Variants in COBL observed in about 807,000 individuals in gnomAD.
COBL encodes cordon-bleu WH2 repeat protein.
A neutral mutation model predicts 98.8 loss-of-function variants in COBL; 51 were observed. That is an observed-to-expected ratio of 0.52 (90% CI 0.41 to 0.65). The LOEUF is 0.65. Ranked by LOEUF, COBL falls within the 30% of genes least tolerant of loss-of-function variation. The pLI is 0.00. For synonymous variants in COBL, 634 were observed against 651.7 expected (o/e 0.97, Z 0.41); for missense variants, 1,617 against 1,617.5 (o/e 1.00, Z 0.01).
Position 51,208,104 on chromosome 7 carries a change from C to T in COBL, c.245+11637G>A, listed in dbSNP as rs190982640. Among the ~76,000 whole-genome samples the T allele has an allele frequency of 8.0e-4, 116 of 144,774 alleles. 2 individuals carry two copies. The East Asian group carries it at 0.023, about 29-fold the overall frequency. 95.0% of individuals were successfully genotyped at this position (144,774 alleles called of 152,430 possible). ...GCCGCCCCGTCTGGAATGTGAGGAG[C>T]GCCTCTGCCCGGCCGTGACCCCGTC... On this transcript the variant is annotated intron_variant, in intron 2 of 12. Coordinates refer to ENST00000265136, the MANE Select transcript of COBL (RefSeq NM_015198.5).
intron 1 of COBL, among the ~76,000 whole-genome samples, chr7:51,220,263 T>C (rs952969360): frequency 6.6e-6 from 1 of 152,154 alleles, no homozygotes; most frequent in Admixed American, 6.6e-5. Flanking sequence ...CCTTTCTGAA[T>C]TGTCACAGGG....
chr7:51,315,030 C>G (rs992456446), intron 1 of COBL, among the ~76,000 whole-genome samples: 3 of 152,144 alleles, frequency 2.0e-5, no homozygotes, highest in Admixed American at 6.5e-5. Context: ...TAAATGTTCT[C>G]TCTGTCTTCA....
chr7:51,066,281 T>C (rs1276534543), intron 7 of COBL, among the ~76,000 whole-genome samples: 6 of 152,126 alleles, frequency 3.9e-5, no homozygotes, highest in African/African-American at 1.4e-4. Flanking sequence ...TGGGCTTAGG[T>C]GGGCTTGCAC....
intron 2 of COBL, among the ~76,000 whole-genome samples, chr7:51,216,803 G>A (rs990104019): frequency 2.6e-5 from 4 of 152,088 alleles, no homozygotes; most frequent in African/African-American, 7.2e-5. Flanking sequence ...CAAACTCCTT[G>A]CTTACCCTAT....
chr7:51,181,572 T>A (rs1322590048), intron 5 of COBL, among the ~76,000 whole-genome samples: 1 of 152,238 alleles, frequency 6.6e-6, no homozygotes, highest in Admixed American at 6.5e-5. Context: ...AACCTTCTTG[T>A]AACTACGGCT....
chr7:51,220,065 T>G (rs1029965576), intron 1 of COBL, 121 bp from the exon 2 acceptor site: 4 of 838,236 alleles, frequency 4.8e-6, no homozygotes, highest in Non-Finnish European at 7.3e-6. Context: ...GCCACGGCCT[T>G]TTTAAAATCA....
In COBL at chr7:51,029,459, TCCCCTATGAATGTTACTGGGATTGC is replaced by T; in HGVS notation, c.1612_1636del (p.Ala538LysfsTer79). ...CGAATCCACAGGATCATCTGAAACT[TCCCCTATGAATGTTACTGGGATTGC>T]ATCTGTGTCGCCGTGAGGGATCATG... On this transcript the variant is annotated frameshift_variant, in exon 10 of 13. Transcript: ENST00000265136. LOFTEE classifies it high-confidence loss of function. The T allele has an allele frequency of 2.5e-6, 4 of 1,614,126 alleles. No homozygotes were observed. Among genetic ancestry groups the T allele is most frequent in the Non-Finnish European group, 3.4e-6 (4 of 1,180,024 alleles).
At chr7:51,051,709 A>G (rs776830011) in intron 7 of COBL, among the ~76,000 whole-genome samples, 1 of 152,206 alleles carries the variant, frequency 6.6e-6, no homozygotes, top group African/African-American at 2.4e-5. Context: ...AACAACAGTC[A>G]TGGGTGCGGT....
At chr7:51,150,476 C>T (rs545752975) in intron 5 of COBL, among the ~76,000 whole-genome samples, 2 of 152,226 alleles carry the variant, frequency 1.3e-5, no homozygotes, top group South Asian at 2.1e-4. Context: ...ACAGAGCTGC[C>T]GTGAATCATC....
chr7:51,084,363 A>G (rs2128938825), intron 7 of COBL, among the ~76,000 whole-genome samples: 1 of 152,178 alleles, frequency 6.6e-6, no homozygotes, highest in Non-Finnish European at 1.5e-5. Context: ...CTTCGTCGTG[A>G]GCACTGACAC....
At chr7:51,203,885 G>C (rs1247056339) in intron 2 of COBL, among the ~76,000 whole-genome samples, 1 of 152,068 alleles carries the variant, frequency 6.6e-6, no homozygotes, top group Non-Finnish European at 1.5e-5. Context: ...TATGAGGCTA[G>C]AATCATGCTG....
intron 1 of COBL, among the ~76,000 whole-genome samples, chr7:51,297,636 G>A (rs1328069589): frequency 6.6e-6 from 1 of 151,984 alleles, no homozygotes; most frequent in Admixed American, 6.6e-5. Context: ...CAGGTGATCT[G>A]CCCGCCTCAG....
chr7:51,142,570 G>C (rs1799872556), intron 5 of COBL, among the ~76,000 whole-genome samples: 1 of 151,954 alleles, frequency 6.6e-6, no homozygotes, highest in Non-Finnish European at 1.5e-5. Context: ...TTTTACTAGA[G>C]ACAGGGTTTT....
At chr7:51,126,954 C>T (rs563315397) in intron 6 of COBL, among the ~76,000 whole-genome samples, 1 of 152,252 alleles carries the variant, frequency 6.6e-6, no homozygotes, top group African/African-American at 2.4e-5. Flanking sequence ...GCCATGTTCA[C>T]CCGCTCATAA....
chr7:51,111,903 A>G (rs1182591787), intron 6 of COBL, among the ~76,000 whole-genome samples: 1 of 152,160 alleles, frequency 6.6e-6, no homozygotes, highest in East Asian at 1.9e-4. Context: ...AATGCGATTT[A>G]TTTATTTTAC....
chr7:51,028,777 G>A lies in COBL; in HGVS notation c.2319C>T (p.Cys773=). 6.2e-7 allele frequency: 1 copy of A among 1,614,216 alleles called. No individual in the cohort carries two copies. The highest frequency in any genetic ancestry group is 1.7e-5 in the Admixed American group (1 of 60,030). Reference sequence around the variant, plus strand: ...GGCCCAGGTGTTTTTCCACAGAGTTGCACCTCCAGAACTCTCTGACTTTCC... The same window carrying A: ...GGCCCAGGTGTTTTTCCACAGAGTTACACCTCCAGAACTCTCTGACTTTCC... ...PIGKVREFWR[C]NSVEKHLGRP... is the part of the protein sequence containing the mutation. The change falls in exon 10 of 13, where the codon TGC becomes TGT. Residue 773 remains cysteine, a synonymous_variant. Coordinates refer to ENST00000265136, the MANE Select transcript of COBL (RefSeq NM_015198.5).
intron 5 of COBL, among the ~76,000 whole-genome samples, chr7:51,148,107 G>T (rs1403271403): frequency 2.0e-5 from 3 of 152,192 alleles, no homozygotes; most frequent in African/African-American, 7.2e-5. Context: ...TGTTAGCACA[G>T]GTCTTTGAAT....
chr7:51,295,313 G>C (rs994004981), intron 1 of COBL, among the ~76,000 whole-genome samples: 5 of 148,878 alleles, frequency 3.4e-5, no homozygotes, highest in African/African-American at 1.2e-4. Context: ...CTACATGACA[G>C]GTTAGTAGGT....
intron 1 of COBL, among the ~76,000 whole-genome samples, chr7:51,297,057 T>G (rs530465383): frequency 6.6e-6 from 1 of 152,150 alleles, no homozygotes; most frequent in Non-Finnish European, 1.5e-5. Context: ...TTGAGTCCCC[T>G]CTCTGCTGGC....
Sources: allele counts gnomAD v4.1 joint callset (sites outside exome capture counted in the v4.1 genomes callset), GRCh38; gene constraint gnomAD v4.1.1; transcripts MANE v1.5; gene names NCBI Gene and HGNC (gene_info 2026-07-23, HGNC 2026-07-21).